Variants in ZNF782 observed in about 807,000 individuals in gnomAD.
ZNF782 encodes zinc finger protein 782.
Under a neutral mutation model 13.0 loss-of-function variants are expected in ZNF782, and 12 were observed. That is an observed-to-expected ratio of 0.92 (90% confidence interval 0.59 to 1.50). The LOEUF (loss-of-function observed/expected upper bound fraction) is 1.50. Ranked by LOEUF, ZNF782 falls within the 40% of genes most tolerant of loss-of-function variation. The pLI is 0.00. For missense variants in ZNF782, 770 were observed against 822.9 expected (o/e 0.94, Z 0.79); for synonymous variants, 284 against 283.0 (o/e 1.00, Z -0.04).
At chr9:96,855,456 T>C (rs1343559586), upstream of ZNF782, among the ~76,000 whole-genome samples, 1 of 152,252 alleles carries the variant, frequency 6.6e-6, no homozygotes, top group Non-Finnish European at 1.5e-5. Flanking sequence ...GTTATTCTTA[T>C]GCCTTTGCAT....
the ZNF782 span, among the ~76,000 whole-genome samples, chr9:96,882,026 T>C: frequency 0.011 from 1,608 of 151,488 alleles, 40 homozygotes; most frequent in African/African-American, 0.036. Context: ...TGTATACTCA[T>C]TGTAATAACA....
At chr9:96,877,271 C>T (rs73654628), upstream of ZNF782, among the ~76,000 whole-genome samples, 1 of 152,168 alleles carries the variant, frequency 6.6e-6, no homozygotes, top group Non-Finnish European at 1.5e-5. Flanking sequence ...GTGAACACAC[C>T]CGTGAAGCTT....
At chr9:96,862,846 C>G (rs1171484156) in intron 1 of ZNF782, among the ~76,000 whole-genome samples, 1 of 152,190 alleles carries the variant, frequency 6.6e-6, no homozygotes, top group East Asian at 1.9e-4. Flanking sequence ...CTTAGCTCTG[C>G]TATAATGGCA....
chr9:96,848,238 C>G (rs1274783737), intron 3 of ZNF782, among the ~76,000 whole-genome samples: 1 of 152,118 alleles, frequency 6.6e-6, no homozygotes, highest in African/African-American at 2.4e-5. Flanking sequence ...AAAGCACTCC[C>G]CCTGAGAACA....
At chr9:96,833,389 C>T (rs180814679) in intron 4 of ZNF782, among the ~76,000 whole-genome samples, 8 of 152,300 alleles carry the variant, frequency 5.3e-5, no homozygotes, top group Non-Finnish European at 4.4e-5. Context: ...TCTCTGTAGG[C>T]TCCTGTAAAC....
At chr9:96,901,259 T>A in the ZNF782 span, among the ~76,000 whole-genome samples, 2 of 150,710 alleles carry the variant, frequency 1.3e-5, no homozygotes, top group African/African-American at 4.9e-5. Flanking sequence ...TGTCCTATAA[T>A]TGAAAAAAAA....
intron 4 of ZNF782, among the ~76,000 whole-genome samples, chr9:96,832,329 G>C (rs12339579): frequency 0.13 from 20,147 of 152,108 alleles, 3,240 homozygotes; most frequent in African/African-American, 0.38. Flanking sequence ...ACATTGAGAA[G>C]CACATCAGAG....
the ZNF782 span, among the ~76,000 whole-genome samples, chr9:96,919,755 G>A: frequency 6.7e-6 from 1 of 149,818 alleles, no homozygotes. Flanking sequence ...GTAGAGACGG[G>A]GTTTCACCAT....
At chr9:96,911,235 G>C in the ZNF782 span, among the ~76,000 whole-genome samples, 1 of 143,372 alleles carries the variant, frequency 7.0e-6, no homozygotes, top group Non-Finnish European at 1.5e-5. Flanking sequence ...GTCAGGAGAT[G>C]GAGACCATCC....
the ZNF782 span, among the ~76,000 whole-genome samples, chr9:96,917,890 G>GTGTGTGTC: frequency 7.8e-5 from 10 of 128,132 alleles, no homozygotes; most frequent in South Asian, 4.8e-4. Flanking sequence ...CCCTTGGCGT[G>GTGTGTGTC]TGTGTGTGTG....
intron 5 of ZNF782, among the ~76,000 whole-genome samples, chr9:96,826,374 G>A (rs1407286683): frequency 6.6e-6 from 1 of 151,052 alleles, no homozygotes; most frequent in Non-Finnish European, 1.5e-5. Context: ...ACAGGAAGGG[G>A]AACATCACAC....
At chr9:96,906,211 A>G in the ZNF782 span, among the ~76,000 whole-genome samples, 1 of 152,048 alleles carries the variant, frequency 6.6e-6, no homozygotes, top group Non-Finnish European at 1.5e-5. Context: ...ACCAAACTTG[A>G]TTTATCCTGC....
At chr9:96,922,752 C>A in the ZNF782 span, among the ~76,000 whole-genome samples, 1 of 150,798 alleles carries the variant, frequency 6.6e-6, no homozygotes. Flanking sequence ...CCAGCCTGGG[C>A]GACAGAGCGA....
At chr9:96,925,041 G>A in the ZNF782 span, among the ~76,000 whole-genome samples, 2 of 152,162 alleles carry the variant, frequency 1.3e-5, no homozygotes, top group Admixed American at 6.5e-5. Flanking sequence ...TTATTTTTAG[G>A]TAACACCACG....
rs751459519 is a variant in ZNF782 at position 96,818,693 on chromosome 9, G to T, written c.1330C>A (p.His444Asn). The part of the protein sequence containing the change: ...KSGLRIHQRT[H>N]TGEKPFECHE... ...CATTCGAATGGTTTCTCCCCTGTGT[G>T]GGTTCTCTGGTGTATTCTTAGGCCT... The change falls in exon 6 of 6, where the codon CAC (histidine) becomes AAC (asparagine). Residue 444 changes from histidine to asparagine, a missense_variant. Transcript: ENST00000481138. 1.9e-6 allele frequency: 3 copies of T among 1,614,158 alleles called. No individual in the cohort carries two copies. The highest frequency in any genetic ancestry group is 2.5e-6 in the Non-Finnish European group (3 of 1,180,024).
the ZNF782 span, chr9:96,895,935 T>G: frequency 6.6e-6 from 1 of 152,192 alleles, no homozygotes; most frequent in South Asian, 2.1e-4. Context: ...AAAACAATAC[T>G]GCATTCTTGT....
chr9:96,922,875 A>G, the ZNF782 span, among the ~76,000 whole-genome samples: 1 of 150,232 alleles, frequency 6.7e-6, no homozygotes, highest in Non-Finnish European at 1.5e-5. Flanking sequence ...CCGGTAGCAC[A>G]GGTCACTGTT....
intron 4 of ZNF782, among the ~76,000 whole-genome samples, chr9:96,827,503 A>T (rs1004358063): frequency 6.6e-6 from 1 of 151,974 alleles, no homozygotes; most frequent in Non-Finnish European, 1.5e-5. Flanking sequence ...CTAATTTTTT[A>T]AAGTTTTTTT....
chr9:96,929,651 CTTTGA>C, the ZNF782 span, among the ~76,000 whole-genome samples: 19 of 151,106 alleles, frequency 1.3e-4, no homozygotes, highest in South Asian at 8.4e-4. Flanking sequence ...TAGCTGTTGG[CTTTGA>C]TTTAACAGGG....
Sources: gnomAD v4.1 joint callset for allele counts (sites outside exome capture counted in the v4.1 genomes callset) on GRCh38, gnomAD v4.1.1 for gene constraint, MANE v1.5 for transcripts, NCBI Gene and HGNC (gene_info 2026-07-23, HGNC 2026-07-21) for gene names.